Variants in INSC observed in about 807,000 individuals in gnomAD.
INSC encodes INSC spindle orientation adaptor protein, also known as protein inscuteable homolog.
In INSC, 67 loss-of-function variants were observed where a neutral mutation model predicts 58.6. The observed-to-expected ratio is 1.14, with a 90% CI of 0.94 to 1.40. The LOEUF is 1.40. Among genes scored for constraint, INSC ranks in the 40% most tolerant of loss-of-function variants. The probability of loss-of-function intolerance (pLI) is 0.00; values close to 1 mark genes in which losing one functional copy is unlikely to be tolerated. For synonymous variants in INSC, 262 were observed against 276.1 expected (o/e 0.95, Z 0.51); for missense variants, 714 against 692.0 (o/e 1.03, Z -0.36).
chr11:15,113,653 C>G (rs1252567046), upstream of INSC, among the ~76,000 whole-genome samples: 3 of 152,126 alleles, frequency 2.0e-5, no homozygotes, highest in Non-Finnish European at 4.4e-5. Flanking sequence ...TAGAATCAGG[C>G]TGTTCTGGAT....
At chr11:15,252,613 G>A in the INSC span, among the ~76,000 whole-genome samples, 1 of 152,118 alleles carries the variant, frequency 6.6e-6, no homozygotes, top group Non-Finnish European at 1.5e-5. Context: ...AAGAGAGATA[G>A]AGGCCGATAG....
At position 15,177,202 on chromosome 11, in the gene INSC, C is replaced by G. The variant is rs377610922; in HGVS notation, c.455+39C>G. The G allele has an allele frequency of 3.2e-6, 5 of 1,546,828 alleles. No individual in the cohort carries two copies. In the South Asian group the frequency reaches 5.6e-5, roughly 17 times the overall value. On this transcript the variant is annotated intron_variant, in intron 4 of 12. Transcript: ENST00000379556. ...ATAGATCTCCCAGGGTCTGCCCACC[C>G]GACCTCTGGCAGGAGAAGGGGCTGG...
chr11:15,200,358 A>T (rs894268251), intron 6 of INSC, among the ~76,000 whole-genome samples: 2 of 152,182 alleles, frequency 1.3e-5, no homozygotes, highest in Non-Finnish European at 2.9e-5. Context: ...TCTGAGGAAT[A>T]GCATGGTGAC....
At chr11:15,235,882 C>G (rs572393505) in intron 10 of INSC, among the ~76,000 whole-genome samples, 45 of 151,764 alleles carry the variant, frequency 3.0e-4, no homozygotes, top group African/African-American at 1.0e-3. Context: ...ATGGTGAAAC[C>G]CTGTCTCCAC....
At chr11:15,153,207 AT>A (rs1418462481) in intron 2 of INSC, among the ~76,000 whole-genome samples, 1 of 152,110 alleles carries the variant, frequency 6.6e-6, no homozygotes, top group Non-Finnish European at 1.5e-5. Context: ...TCAGGCCTGG[AT>A]TTGTAGCAAG....
At chr11:15,245,410 G>T (rs776267042) in intron 12 of INSC, among the ~76,000 whole-genome samples, 5 of 152,184 alleles carry the variant, frequency 3.3e-5, no homozygotes, top group African/African-American at 4.8e-5. Flanking sequence ...TGCTCATTGT[G>T]TGGGGAGCTG....
rs570003661 is a variant in INSC at position 15,221,784 on chromosome 11, G to T, written c.991+136G>T. ...TCCTGCATAGATGATCATATTTGCT[G>T]AAATCCCACAATTAATGGATCTGAA... On this transcript the variant is annotated intron_variant, in intron 8 of 12. Coordinates refer to ENST00000379556, the MANE Select transcript of INSC (RefSeq NM_001042536.3). The T allele has an allele frequency of 7.9e-4, 611 of 775,664 alleles. 10 individuals carry two copies. The South Asian group carries it at 0.012, about 16-fold the overall frequency. 48.0% of individuals were successfully genotyped at this position (775,664 alleles called of 1,614,324 possible).
At chr11:15,123,564 A>C (rs1222890785) in intron 1 of INSC, among the ~76,000 whole-genome samples, 1 of 152,174 alleles carries the variant, frequency 6.6e-6, no homozygotes, top group Non-Finnish European at 1.5e-5. Context: ...GGTGCCTGCC[A>C]ACCATGTCTG....
intron 5 of INSC, among the ~76,000 whole-genome samples, chr11:15,190,087 A>G (rs1156814609): frequency 6.6e-6 from 1 of 152,144 alleles, no homozygotes; most frequent in African/African-American, 2.4e-5. Flanking sequence ...TTCCTCACCT[A>G]GTTTCCCACC....
At chr11:15,134,010 C>G (rs1427796251) in intron 1 of INSC, among the ~76,000 whole-genome samples, 1 of 110,412 alleles carries the variant, frequency 9.1e-6, no homozygotes, top group African/African-American at 3.1e-5. Context: ...ATATGCCTCT[C>G]TAAAAGAGAA....
chr11:15,159,589 T>C (rs1848943027), intron 2 of INSC, among the ~76,000 whole-genome samples: 1 of 152,228 alleles, frequency 6.6e-6, no homozygotes, highest in Admixed American at 6.5e-5. Flanking sequence ...GTACTGCACA[T>C]GACATTGGAA....
intron 11 of INSC, 115 bp from the exon 12 acceptor site, chr11:15,240,332 G>C: frequency 2.4e-6 from 2 of 830,878 alleles, no homozygotes; most frequent in Non-Finnish European, 4.0e-6. Flanking sequence ...ACTCCCCGAG[G>C]TGGGTTCAGT....
chr11:15,230,005 A>AATAT (rs1851848621), intron 9 of INSC, among the ~76,000 whole-genome samples: 1 of 25,928 alleles, frequency 3.9e-5, no homozygotes, highest in African/African-American at 1.7e-4. Flanking sequence ...ATATATATAT[A>AATAT]TATATATAAT....
chr11:15,134,741 C>T (rs1848202466), intron 1 of INSC, among the ~76,000 whole-genome samples: 1 of 152,154 alleles, frequency 6.6e-6, no homozygotes, highest in Non-Finnish European at 1.5e-5. Context: ...AGTGGCTTAA[C>T]ATGTTGTTTA....
intron 1 of INSC, among the ~76,000 whole-genome samples, chr11:15,118,626 G>C (rs771034680): frequency 2.0e-5 from 3 of 152,130 alleles, no homozygotes. Context: ...GTATGGGTGA[G>C]GTGTTTTTTC....
At chr11:15,193,306 T>G (rs541688476) in intron 6 of INSC, among the ~76,000 whole-genome samples, 3 of 152,338 alleles carry the variant, frequency 2.0e-5, no homozygotes, top group East Asian at 1.9e-4. Flanking sequence ...TTTTAATTAT[T>G]ATTATACTTT....
chr11:15,155,919 C>T (rs1848799707), intron 2 of INSC, among the ~76,000 whole-genome samples: 1 of 152,144 alleles, frequency 6.6e-6, no homozygotes, highest in Admixed American at 6.5e-5. Flanking sequence ...ATCTTCTGAG[C>T]TGGGAAAATT....
chr11:15,178,738 G>C (rs1564887355), intron 5 of INSC, among the ~76,000 whole-genome samples: 1 of 152,142 alleles, frequency 6.6e-6, no homozygotes, highest in Non-Finnish European at 1.5e-5. Flanking sequence ...GCAGAGCCCA[G>C]CATCTCCCAA....
intron 10 of INSC, among the ~76,000 whole-genome samples, chr11:15,236,085 C>T (rs946608436): frequency 6.7e-6 from 1 of 148,806 alleles, no homozygotes; most frequent in African/African-American, 2.5e-5. Flanking sequence ...AAAATAGGTA[C>T]ACGTGTCTCC....
Sources: gnomAD v4.1 joint callset for allele counts (sites outside exome capture counted in the v4.1 genomes callset) on GRCh38, gnomAD v4.1.1 for gene constraint, MANE v1.5 for transcripts, NCBI Gene and HGNC (gene_info 2026-07-23, HGNC 2026-07-21) for gene names.